The following VDAC1 variants were observed in gnomAD, a reference collection of about 807,000 sequenced individuals.
VDAC1 encodes the protein voltage dependent anion channel 1.
In VDAC1, 10 loss-of-function variants were observed where a neutral mutation model predicts 34.7. That is an observed-to-expected ratio of 0.29 (90% CI 0.18 to 0.49). The LOEUF (loss-of-function observed/expected upper bound fraction) is 0.49. Ranked by LOEUF, VDAC1 falls within the 20% of genes least tolerant of loss-of-function variation. The pLI, the probability that VDAC1 is intolerant of heterozygous loss-of-function variation, is 0.99. For synonymous variants in VDAC1, 130 were observed against 136.0 expected (o/e 0.96, Z 0.30); for missense variants, 230 against 347.9 (o/e 0.66, Z 2.69).
chr5:134,106,513 T>C, the VDAC1 span, among the ~76,000 whole-genome samples: 1 of 151,670 alleles, frequency 6.6e-6, no homozygotes, highest in Non-Finnish European at 1.5e-5. Context: ...GTTCAAGCGA[T>C]TCTCCTGCCT....
chr5:134,003,873 T>A (rs1753652845), intron 1 of VDAC1, among the ~76,000 whole-genome samples: 1 of 152,164 alleles, frequency 6.6e-6, no homozygotes, highest in Non-Finnish European at 1.5e-5. Flanking sequence ...GGGCCTCTAA[T>A]CCAAAGTCAG....
chr5:134,087,132 G>A, the VDAC1 span, among the ~76,000 whole-genome samples: 1 of 152,160 alleles, frequency 6.6e-6, no homozygotes, highest in East Asian at 1.9e-4. Context: ...GCCAGTAATT[G>A]TCTTTACCTA....
the VDAC1 span, among the ~76,000 whole-genome samples, chr5:134,048,979 T>A: frequency 6.6e-6 from 1 of 152,238 alleles, no homozygotes; most frequent in Non-Finnish European, 1.5e-5. Flanking sequence ...AATCATGATA[T>A]GTGACAGGGC....
chr5:134,043,521 CTT>C, the VDAC1 span, among the ~76,000 whole-genome samples: 2 of 148,778 alleles, frequency 1.3e-5, no homozygotes, highest in African/African-American at 4.9e-5. Flanking sequence ...GCTGGGTAGA[CTT>C]TTCTTTTTTC....
chr5:134,094,712 A>G, the VDAC1 span, among the ~76,000 whole-genome samples: 1 of 151,568 alleles, frequency 6.6e-6, no homozygotes, highest in Admixed American at 6.6e-5. Flanking sequence ...AAAAAAAAAA[A>G]AAAAAAAAAG....
chr5:134,010,713 C>T, the VDAC1 span, among the ~76,000 whole-genome samples: 5 of 152,220 alleles, frequency 3.3e-5, no homozygotes, highest in East Asian at 9.6e-4. Context: ...ACTGTGGAGG[C>T]AAACTATGGT....
At chr5:134,110,694 G>T in the VDAC1 span, among the ~76,000 whole-genome samples, 5 of 152,344 alleles carry the variant, frequency 3.3e-5, no homozygotes, top group Admixed American at 2.0e-4. Context: ...GCGGGCTGGT[G>T]AGCAGGAAGA....
the VDAC1 span, among the ~76,000 whole-genome samples, chr5:134,054,830 A>G: frequency 6.6e-6 from 1 of 152,028 alleles, no homozygotes; most frequent in Non-Finnish European, 1.5e-5. Context: ...AACCTGACGA[A>G]CCACTTACCA....
chr5:134,089,691 C>CGGGTGCGGTGGCTCATGGCT, the VDAC1 span, among the ~76,000 whole-genome samples: 1 of 113,806 alleles, frequency 8.8e-6, no homozygotes, highest in Non-Finnish European at 1.6e-5. Flanking sequence ...GGCTCATGGC[C>CGGGTGCGGTGGCTCATGGCT]GGGTGCGGTG....
the VDAC1 span, among the ~76,000 whole-genome samples, chr5:134,058,161 T>C: frequency 6.6e-6 from 1 of 152,164 alleles, no homozygotes; most frequent in Non-Finnish European, 1.5e-5. Flanking sequence ...GTGTTGAGAT[T>C]ACAAGTGTGA....
chr5:134,083,842 G>C, the VDAC1 span, among the ~76,000 whole-genome samples: 1 of 152,342 alleles, frequency 6.6e-6, no homozygotes, highest in South Asian at 2.1e-4. Context: ...TCCAGTGAGG[G>C]AAGAGTGGCC....
the VDAC1 span, among the ~76,000 whole-genome samples, chr5:134,103,897 C>T: frequency 6.6e-6 from 1 of 152,204 alleles, no homozygotes; most frequent in Admixed American, 6.5e-5. Context: ...ACTAGGAGCG[C>T]TGCTCGGCTC....
At chr5:134,011,359 C>T in the VDAC1 span, among the ~76,000 whole-genome samples, 2 of 151,994 alleles carry the variant, frequency 1.3e-5, no homozygotes, top group African/African-American at 4.8e-5. Flanking sequence ...CTTTAAGTTC[C>T]TTATAGATTC....
At chr5:134,039,839 C>A in the VDAC1 span, among the ~76,000 whole-genome samples, 3 of 152,206 alleles carry the variant, frequency 2.0e-5, no homozygotes, top group Non-Finnish European at 4.4e-5. Context: ...AAACACTAGG[C>A]TCTGGCCACT....
At chr5:134,056,931 C>A in the VDAC1 span, among the ~76,000 whole-genome samples, 36 of 152,122 alleles carry the variant, frequency 2.4e-4, no homozygotes, top group African/African-American at 7.2e-4. Flanking sequence ...TCCGCTCCCC[C>A]CTCTCCACCA....
chr5:134,013,184 C>A, the VDAC1 span, among the ~76,000 whole-genome samples: 2 of 152,054 alleles, frequency 1.3e-5, no homozygotes, highest in Admixed American at 6.6e-5. Flanking sequence ...TCAACCGCGG[C>A]AAAGAATTTA....
the VDAC1 span, among the ~76,000 whole-genome samples, chr5:134,025,690 A>C: frequency 6.6e-6 from 1 of 152,094 alleles, no homozygotes; most frequent in Non-Finnish European, 1.5e-5. Flanking sequence ...CCTGGGCTCA[A>C]GCAATCCTCC....
chr5:134,113,743 A>G, the VDAC1 span, among the ~76,000 whole-genome samples: 1 of 152,228 alleles, frequency 6.6e-6, no homozygotes, highest in Non-Finnish European at 1.5e-5. Context: ...GCTGGAATCC[A>G]GGCACTTTCC....
At chr5:133,973,322 T>G (rs1408585084) in intron 8 of VDAC1, among the ~76,000 whole-genome samples, 1 of 152,220 alleles carries the variant, frequency 6.6e-6, no homozygotes, top group South Asian at 2.1e-4. Context: ...ATAACCTGAT[T>G]CAGGGAGTAG....
Sources: allele counts gnomAD v4.1 joint callset (sites outside exome capture counted in the v4.1 genomes callset), GRCh38; gene constraint gnomAD v4.1.1; transcripts MANE v1.5; gene names NCBI Gene and HGNC (gene_info 2026-07-23, HGNC 2026-07-21).